The following COL10A1 variants were observed in gnomAD, a reference collection of about 807,000 sequenced individuals.
The protein encoded by COL10A1 is collagen alpha-1(X) chain.
In COL10A1, 10 loss-of-function variants were observed where a neutral mutation model predicts 18.2. The observed-to-expected ratio is 0.55, with a 90% CI of 0.34 to 0.93. The LOEUF (loss-of-function observed/expected upper bound fraction) is 0.93, where lower values mean the gene tolerates loss of function less well. COL10A1 is among the 40% of genes least tolerant of loss of function. The pLI is 0.02. For synonymous variants in COL10A1, 330 were observed against 316.6 expected (o/e 1.04, Z -0.45); for missense variants, 897 against 853.5 (o/e 1.05, Z -0.64).
chr6:116,168,091 T>C, the COL10A1 span, among the ~76,000 whole-genome samples: 1 of 151,204 alleles, frequency 6.6e-6, no homozygotes, highest in Admixed American at 6.6e-5. Flanking sequence ...GTCTTTTTTT[T>C]TTTTTTTTTT....
intron 1 of COL10A1, among the ~76,000 whole-genome samples, chr6:116,140,990 T>C (rs1779751011): frequency 1.3e-5 from 2 of 152,298 alleles, no homozygotes; most frequent in African/African-American, 4.8e-5. Context: ...AGTGGTATAT[T>C]AACTATGTAT....
the COL10A1 span, among the ~76,000 whole-genome samples, chr6:116,167,906 T>G: frequency 1.3e-5 from 2 of 152,194 alleles, no homozygotes; most frequent in Non-Finnish European, 2.9e-5. Context: ...TAGAGAATAT[T>G]TTTAATGGAG....
chr6:116,141,741 G>A (rs1285290943), intron 1 of COL10A1, among the ~76,000 whole-genome samples: 2 of 151,092 alleles, frequency 1.3e-5, no homozygotes, highest in African/African-American at 4.9e-5. Context: ...AATAACTAGT[G>A]CCACATTTTC....
the COL10A1 span, among the ~76,000 whole-genome samples, chr6:116,168,442 C>A: frequency 1.3e-5 from 2 of 151,782 alleles, no homozygotes; most frequent in Non-Finnish European, 2.9e-5. Flanking sequence ...CCATTTAGTT[C>A]TTTTTCTATT....
intron 1 of COL10A1, among the ~76,000 whole-genome samples, chr6:116,135,044 G>C (rs566830558): frequency 6.6e-6 from 1 of 152,166 alleles, no homozygotes; most frequent in African/African-American, 2.4e-5. Context: ...TTACTCATCT[G>C]TACCCCATTT....
chr6:116,163,141 A>AATATATATATATATAT (rs1554197063), upstream of COL10A1, among the ~76,000 whole-genome samples: 2 of 88,402 alleles, frequency 2.3e-5, no homozygotes, highest in African/African-American at 1.2e-4. Flanking sequence ...AAAAAAAAAA[A>AATATATATATATATAT]ATATATATAT....
At chr6:116,151,636 G>C (rs942192315) in intron 1 of COL10A1, among the ~76,000 whole-genome samples, 4 of 152,132 alleles carry the variant, frequency 2.6e-5, no homozygotes, top group Non-Finnish European at 5.9e-5. Flanking sequence ...TGGCAAATGT[G>C]ATATTGGATT....
At chr6:116,163,957 G>T in the COL10A1 span, among the ~76,000 whole-genome samples, 3 of 152,078 alleles carry the variant, frequency 2.0e-5, no homozygotes, top group African/African-American at 7.2e-5. Flanking sequence ...TATTCTGAGA[G>T]GATACCTGAT....
chr6:116,184,324 C>T, the COL10A1 span, among the ~76,000 whole-genome samples: 75 of 152,084 alleles, frequency 4.9e-4, no homozygotes, highest in African/African-American at 1.7e-3. Flanking sequence ...GAGGATTTTG[C>T]ATTTATGTTC....
chr6:116,212,639 A>T, the COL10A1 span, among the ~76,000 whole-genome samples: 2 of 152,168 alleles, frequency 1.3e-5, no homozygotes, highest in Non-Finnish European at 2.9e-5. Context: ...TTTGAATACC[A>T]ATCTAGTTTT....
chr6:116,148,001 G>A (rs1743411181), intron 1 of COL10A1, among the ~76,000 whole-genome samples: 1 of 150,974 alleles, frequency 6.6e-6, no homozygotes, highest in Admixed American at 6.6e-5. Context: ...AAAAAAGGTG[G>A]GGGGGGTTGG....
At chr6:116,132,880 A>T (rs998544204) in intron 1 of COL10A1, among the ~76,000 whole-genome samples, 4 of 152,266 alleles carry the variant, frequency 2.6e-5, no homozygotes, top group African/African-American at 4.8e-5. Flanking sequence ...TTAAAAGAAC[A>T]TTCTTAGGTG....
At chr6:116,173,482 C>G in the COL10A1 span, among the ~76,000 whole-genome samples, 1 of 152,040 alleles carries the variant, frequency 6.6e-6, no homozygotes, top group Non-Finnish European at 1.5e-5. Flanking sequence ...GCCTGTCAGT[C>G]CCTTTAGAGC....
chr6:116,200,349 A>G, the COL10A1 span, among the ~76,000 whole-genome samples: 2 of 152,068 alleles, frequency 1.3e-5, no homozygotes, highest in Non-Finnish European at 2.9e-5. Flanking sequence ...CCTGGCACAG[A>G]AAAGAGACAT....
At chr6:116,214,293 T>C in the COL10A1 span, among the ~76,000 whole-genome samples, 1 of 152,204 alleles carries the variant, frequency 6.6e-6, no homozygotes, top group East Asian at 1.9e-4. Context: ...CTCATATATA[T>C]CCTTCTTATA....
At chr6:116,188,705 A>C in the COL10A1 span, among the ~76,000 whole-genome samples, 1 of 111,980 alleles carries the variant, frequency 8.9e-6, no homozygotes, top group Non-Finnish European at 1.8e-5. Context: ...GAAATTTTCT[A>C]CTTTTTTTTT....
At chr6:116,126,594 T>G (rs1436016164), upstream of COL10A1, among the ~76,000 whole-genome samples, 1 of 152,182 alleles carries the variant, frequency 6.6e-6, no homozygotes, top group Non-Finnish European at 1.5e-5. Context: ...TCTATTAATA[T>G]TCATAAATTT....
upstream of COL10A1, among the ~76,000 whole-genome samples, chr6:116,160,656 G>A (rs1780304945): frequency 6.6e-6 from 1 of 152,068 alleles, no homozygotes; most frequent in Admixed American, 6.5e-5. Flanking sequence ...TGGTTTTGTT[G>A]CATTTGTTGT....
At chr6:116,145,656 A>G (rs1463979371) in intron 1 of COL10A1, among the ~76,000 whole-genome samples, 1 of 152,182 alleles carries the variant, frequency 6.6e-6, no homozygotes, top group African/African-American at 2.4e-5. Flanking sequence ...AGTTTTCTTT[A>G]AAGTATCCCC....
Sources: gnomAD v4.1 joint callset for allele counts (sites outside exome capture counted in the v4.1 genomes callset) on GRCh38, gnomAD v4.1.1 for gene constraint, MANE v1.5 for transcripts, NCBI Gene and HGNC (gene_info 2026-07-23, HGNC 2026-07-21) for gene names.